The following SGCZ variants were observed in gnomAD, a reference collection of about 807,000 sequenced individuals.
SGCZ encodes the protein sarcoglycan zeta.
A neutral mutation model predicts 41.3 loss-of-function variants in SGCZ; 40 were observed. The observed-to-expected ratio is 0.97, with a 90% CI of 0.75 to 1.26. The LOEUF (loss-of-function observed/expected upper bound fraction) is 1.26. Among genes scored for constraint, SGCZ ranks in the 50% most tolerant of loss-of-function variants. SGCZ has a pLI of 0.00. For missense variants in SGCZ, 552 were observed against 369.8 expected (o/e 1.49, Z -4.04); for synonymous variants, 206 against 137.5 (o/e 1.50, Z -3.49).
chr8:14,286,131 C>T (rs941562531), intron 3 of SGCZ, among the ~76,000 whole-genome samples: 4 of 151,540 alleles, frequency 2.6e-5, no homozygotes, highest in Non-Finnish European at 4.4e-5. Flanking sequence ...AAAGCTTATG[C>T]ACAAGTCTTT....
intron 1 of SGCZ, among the ~76,000 whole-genome samples, chr8:14,623,189 C>T (rs1218354360): frequency 1.3e-5 from 2 of 152,066 alleles, no homozygotes; most frequent in African/African-American, 4.8e-5. Flanking sequence ...AACGAAATAA[C>T]CAATCAAGAT....
intron 5 of SGCZ, among the ~76,000 whole-genome samples, chr8:14,126,295 A>G (rs536371511): frequency 6.6e-6 from 1 of 152,278 alleles, no homozygotes; most frequent in East Asian, 1.9e-4. Flanking sequence ...AGAAAACAAC[A>G]ATCCCATCAA....
At chr8:15,140,727 C>G (rs1345236813) in intron 1 of SGCZ, among the ~76,000 whole-genome samples, 1 of 152,132 alleles carries the variant, frequency 6.6e-6, no homozygotes, top group Non-Finnish European at 1.5e-5. Flanking sequence ...AGAGAGCTTT[C>G]TTTTTAGTTC....
intron 1 of SGCZ, among the ~76,000 whole-genome samples, chr8:14,793,240 G>C (rs1166289372): frequency 6.6e-6 from 1 of 152,132 alleles, no homozygotes; most frequent in Non-Finnish European, 1.5e-5. Flanking sequence ...TTTGCTCAAG[G>C]CTTTGCCCTT....
At chr8:14,154,544 AT>A (rs918961081) in intron 5 of SGCZ, among the ~76,000 whole-genome samples, 69 of 152,152 alleles carry the variant, frequency 4.5e-4, no homozygotes, top group African/African-American at 1.6e-3. Flanking sequence ...TTTGTTGCAA[AT>A]TTTATTTTTG....
intron 1 of SGCZ, among the ~76,000 whole-genome samples, chr8:14,735,017 T>C (rs1011044374): frequency 2.6e-5 from 4 of 152,116 alleles, no homozygotes; most frequent in African/African-American, 9.7e-5. Context: ...CAATGATAAG[T>C]AAACAGTTTA....
At chr8:14,242,685 T>A (rs556465085) in intron 3 of SGCZ, among the ~76,000 whole-genome samples, 26 of 152,310 alleles carry the variant, frequency 1.7e-4, no homozygotes, top group Admixed American at 1.1e-3. Context: ...ACCATCACTC[T>A]TGTTTCACAA....
intron 1 of SGCZ, among the ~76,000 whole-genome samples, chr8:14,607,488 C>A (rs79107335): frequency 6.6e-6 from 1 of 152,118 alleles, no homozygotes; most frequent in South Asian, 2.1e-4. Context: ...TTCAAACAGA[C>A]ATCATTTCCC....
chr8:15,027,152 C>A (rs1205505395), intron 1 of SGCZ, among the ~76,000 whole-genome samples: 1 of 152,142 alleles, frequency 6.6e-6, no homozygotes, highest in Non-Finnish European at 1.5e-5. Context: ...GATGTTGCCT[C>A]TCAACAAGCA....
rs973210558 is a variant in SGCZ, at chr8:14,466,168, C to A, written c.234+88564G>T. Among the ~76,000 whole-genome samples, 3 of 151,994 alleles carry A rather than the reference C, an allele frequency of 2.0e-5. No homozygotes were observed. In the East Asian group the frequency reaches 5.8e-4, roughly 29 times the overall value. ...GGCCTAGTGGTAATAAACTTATTCA[C>A]CTTATTCAGCTTTTCTTTATCCGAG... On this transcript the variant is annotated intron_variant, in intron 2 of 7. Transcript: ENST00000382080.
intron 2 of SGCZ, among the ~76,000 whole-genome samples, chr8:14,345,547 G>T (rs989534376): frequency 3.3e-4 from 50 of 152,226 alleles, no homozygotes; most frequent in African/African-American, 1.0e-3. Flanking sequence ...TCCTTACGAA[G>T]AGAGGTCTCC....
intron 2 of SGCZ, among the ~76,000 whole-genome samples, chr8:14,456,299 T>C (rs994127496): frequency 1.3e-5 from 2 of 151,992 alleles, no homozygotes; most frequent in African/African-American, 4.8e-5. Context: ...TCCCAGCTAC[T>C]TGGGGGGCTG....
chr8:14,299,264 CA>C (rs909933654), intron 3 of SGCZ, among the ~76,000 whole-genome samples: 88 of 151,792 alleles, frequency 5.8e-4, no homozygotes, highest in African/African-American at 2.0e-3. Flanking sequence ...TTCAGGTAGT[CA>C]AAGTTTTCTC....
intron 1 of SGCZ, among the ~76,000 whole-genome samples, chr8:15,064,661 T>A (rs1805060207): frequency 6.6e-6 from 1 of 151,820 alleles, no homozygotes. Flanking sequence ...TCATTCCTCA[T>A]AATTGCTTCT....
At chr8:14,157,989 C>T (rs1299313931) in intron 5 of SGCZ, among the ~76,000 whole-genome samples, 1 of 152,142 alleles carries the variant, frequency 6.6e-6, no homozygotes, top group African/African-American at 2.4e-5. Context: ...TGAGACCAGC[C>T]TGGCCAACAT....
intron 1 of SGCZ, among the ~76,000 whole-genome samples, chr8:14,932,210 T>C (rs1472943008): frequency 2.0e-5 from 3 of 151,990 alleles, no homozygotes; most frequent in Non-Finnish European, 4.4e-5. Context: ...ATTAAACATA[T>C]GTTAACAAAT....
intron 4 of SGCZ, among the ~76,000 whole-genome samples, chr8:14,230,861 A>C (rs1174354388): frequency 1.3e-5 from 2 of 152,102 alleles, no homozygotes; most frequent in Non-Finnish European, 2.9e-5. Context: ...GAATAACTTA[A>C]ATTTGTGAAA....
At chr8:14,566,462 C>A (rs972286729) in intron 1 of SGCZ, among the ~76,000 whole-genome samples, 1 of 152,080 alleles carries the variant, frequency 6.6e-6, no homozygotes, top group Admixed American at 6.5e-5. Flanking sequence ...TCTCCACTGG[C>A]GGATCTCAGT....
chr8:15,089,840 G>A (rs988008008), intron 1 of SGCZ, among the ~76,000 whole-genome samples: 1 of 152,156 alleles, frequency 6.6e-6, no homozygotes, highest in African/African-American at 2.4e-5. Context: ...GAGTGATGTG[G>A]TCTTAACTGA....
Sources: allele counts gnomAD v4.1 joint callset (sites outside exome capture counted in the v4.1 genomes callset), GRCh38; gene constraint gnomAD v4.1.1; transcripts MANE v1.5; gene names NCBI Gene and HGNC (gene_info 2026-07-23, HGNC 2026-07-21).